DLG2: variants seen among roughly 807,000 people sequenced by gnomAD.
DLG2 encodes discs large MAGUK scaffold protein 2.
Under a neutral mutation model 132.5 loss-of-function variants are expected in DLG2, and 45 were observed. The observed-to-expected ratio is 0.34, with a 90% CI of 0.27 to 0.44. The LOEUF is 0.44. Among genes scored for constraint, DLG2 ranks in the 20% least tolerant of loss-of-function variants. The pLI, the probability that DLG2 is intolerant of heterozygous loss-of-function variation, is 1.00. For missense variants in DLG2, 1,045 were observed against 1,196.9 expected, an observed-to-expected ratio of 0.87 and a Z score of 1.87; for synonymous variants, 424 against 419.6, an observed-to-expected ratio of 1.01 and a Z score of -0.13.
intron 14 of DLG2, among the ~76,000 whole-genome samples, chr11:83,952,120 G>T (rs879687667): frequency 2.0e-5 from 3 of 152,100 alleles, no homozygotes; most frequent in Admixed American, 6.5e-5. Context: ...TAAGGGCAGG[G>T]GGATCACTTG....
intron 19 of DLG2, among the ~76,000 whole-genome samples, chr11:83,601,056 C>T (rs2058452357): frequency 6.6e-6 from 1 of 152,158 alleles, no homozygotes; most frequent in South Asian, 2.1e-4. Flanking sequence ...CTGAACTCAA[C>T]TAAGAGCATG....
chr11:84,791,949 C>A (rs1048596219), intron 6 of DLG2, among the ~76,000 whole-genome samples: 7 of 152,182 alleles, frequency 4.6e-5, no homozygotes, highest in African/African-American at 1.7e-4. Context: ...ATTGCTGTAG[C>A]TAAGGAGTTC....
chr11:83,520,498 T>C (rs2095435319), intron 21 of DLG2, among the ~76,000 whole-genome samples: 1 of 152,242 alleles, frequency 6.6e-6, no homozygotes, highest in Non-Finnish European at 1.5e-5. Context: ...TCATTGCTCA[T>C]GCTTTCACAT....
At chr11:84,588,371 C>CA (rs1344905529) in intron 6 of DLG2, among the ~76,000 whole-genome samples, 85 of 152,254 alleles carry the variant, frequency 5.6e-4, no homozygotes, top group African/African-American at 2.0e-3. Context: ...AATCATCATT[C>CA]TTTTGTATTC....
Position 85,111,663 on chromosome 11 carries a change from T to G in DLG2, c.355A>C (p.Thr119Pro), listed in dbSNP as rs188926391. 1 of 1,558,512 alleles carries G rather than the reference T, an allele frequency of 6.4e-7. No homozygotes were observed. The highest frequency in any genetic ancestry group is 1.4e-5 in the African/African-American group (1 of 73,376). Residue 119 changes from threonine (T) to proline (P), a missense_variant and splice_region_variant, in exon 6 of 28, where the codon ACT becomes CCT. By Grantham distance (38) the Thr-to-Pro change is conservative. Around this residue, in one of 4 missense-constraint regions of DLG2, gnomAD observed 277 missense variants for 238.2 expected, o/e 1.16. Coordinates refer to ENST00000376104, the MANE Select transcript of DLG2 (RefSeq NM_001142699.3). Reference protein sequence around the residue: ...APAWMPVHHCTKYRYQDEDAP... With the variant: ...APAWMPVHHCPKYRYQDEDAP... ...AATCTTGGAATAATCAAACTTACAG[T>G]ACAGTGGTGGACAGGCATCCAAGCA...
At chr11:85,130,954 T>C (rs1252618161) in intron 5 of DLG2, among the ~76,000 whole-genome samples, 1 of 152,226 alleles carries the variant, frequency 6.6e-6, no homozygotes, top group African/African-American at 2.4e-5. Context: ...TGTATGTTTG[T>C]TCTTTAAAGA....
intron 17 of DLG2, chr11:83,791,274 G>C: frequency 1.5e-6 from 1 of 674,118 alleles, no homozygotes; most frequent in Non-Finnish European, 2.6e-6. Context: ...TGTCCTCATC[G>C]GCAGAGCTCC....
intron 7 of DLG2, among the ~76,000 whole-genome samples, chr11:84,380,094 G>GA (rs972865475): frequency 1.8e-4 from 27 of 151,852 alleles, no homozygotes; most frequent in Admixed American, 1.5e-3. Flanking sequence ...TATTTCTTCA[G>GA]AAAAAAAGAA....
chr11:83,725,391 G>A (rs1367097766), intron 18 of DLG2: 1 of 154,364 alleles, frequency 6.5e-6, no homozygotes, highest in Non-Finnish European at 1.4e-5. Flanking sequence ...GTTATTCACA[G>A]CGTAGTGTTA....
At chr11:84,403,520 T>C (rs1840575078) in intron 7 of DLG2, among the ~76,000 whole-genome samples, 1 of 152,146 alleles carries the variant, frequency 6.6e-6, no homozygotes, top group Admixed American at 6.5e-5. Context: ...CTACCAACTG[T>C]TCTCATTCCC....
intron 11 of DLG2, among the ~76,000 whole-genome samples, chr11:84,022,556 C>G (rs968493831): frequency 6.6e-6 from 1 of 152,146 alleles, no homozygotes; most frequent in Non-Finnish European, 1.5e-5. Flanking sequence ...GAGGAAAAAC[C>G]TCTTCTTCAT....
chr11:85,042,358 G>A (rs1012560730), intron 6 of DLG2, among the ~76,000 whole-genome samples: 1 of 151,960 alleles, frequency 6.6e-6, no homozygotes, highest in African/African-American at 2.4e-5. Context: ...TTTAAAAGTT[G>A]CTAATATTTA....
At chr11:84,503,450 T>G (rs927941450) in intron 7 of DLG2, among the ~76,000 whole-genome samples, 1 of 152,152 alleles carries the variant, frequency 6.6e-6, no homozygotes, top group Non-Finnish European at 1.5e-5. Flanking sequence ...ATTAAACTGT[T>G]TCTAACACAG....
At chr11:83,793,507 T>C (rs1431484110) in intron 17 of DLG2, among the ~76,000 whole-genome samples, 3 of 152,220 alleles carry the variant, frequency 2.0e-5, no homozygotes, top group Admixed American at 1.3e-4. Context: ...CTTTACAGCA[T>C]AAGATTTCTA....
At chr11:85,373,873 T>G (rs1310049811) in intron 3 of DLG2, among the ~76,000 whole-genome samples, 1 of 151,836 alleles carries the variant, frequency 6.6e-6, no homozygotes, top group Non-Finnish European at 1.5e-5. Flanking sequence ...TCTGGCCCCT[T>G]TGCCTCAATT....
intron 5 of DLG2, among the ~76,000 whole-genome samples, chr11:85,134,979 T>C (rs758361598): frequency 9.2e-5 from 14 of 152,220 alleles, no homozygotes; most frequent in Admixed American, 4.6e-4. Context: ...CTCTGTCTTA[T>C]GGTTCAGTAA....
rs558490653 is a variant in DLG2, at chr11:84,268,525, G to A, written c.520-17234C>T. Reference sequence around the variant, plus strand: ...CACCCAGGCTGCAGTGCAGTGGCGCGATCTCGGCTCACTGCAAGCTCCACC... The same window carrying A: ...CACCCAGGCTGCAGTGCAGTGGCGCAATCTCGGCTCACTGCAAGCTCCACC... On this transcript the variant is annotated intron_variant, in intron 7 of 27. Transcript: ENST00000376104. Among the ~76,000 whole-genome samples the A allele has an allele frequency of 1.7e-3, 252 of 147,792 alleles. 2 individuals are homozygous for A. The highest frequency in any genetic ancestry group is 5.7e-3 in the African/African-American group (228 of 39,730).
chr11:85,501,172 G>T (rs2093793413), intron 3 of DLG2, among the ~76,000 whole-genome samples: 1 of 152,168 alleles, frequency 6.6e-6, no homozygotes, highest in South Asian at 2.1e-4. Context: ...ATGGGGAAAA[G>T]ATTCCCTATT....
At chr11:83,943,972 G>A (rs983673289) in intron 14 of DLG2, among the ~76,000 whole-genome samples, 6 of 152,180 alleles carry the variant, frequency 3.9e-5, no homozygotes, top group African/African-American at 1.4e-4. Flanking sequence ...GATAATATAC[G>A]CAAAGCCTTC....
Sources: allele counts gnomAD v4.1 joint callset (sites outside exome capture counted in the v4.1 genomes callset), GRCh38; gene constraint gnomAD v4.1.1; regional missense constraint gnomAD v4.1.1; transcripts MANE v1.5; gene names NCBI Gene and HGNC (gene_info 2026-07-23, HGNC 2026-07-21).